IL23R: variants seen among roughly 807,000 people sequenced by gnomAD.
IL23R encodes interleukin-23 receptor.
In IL23R, 34 loss-of-function variants were observed where a neutral mutation model predicts 56.9. The ratio of observed to expected loss-of-function variants is 0.60; its 90% CI spans 0.45 to 0.80. The LOEUF is 0.80. Ranked by LOEUF, IL23R falls within the 30% of genes least tolerant of loss-of-function variation. The pLI, the probability that IL23R is intolerant of heterozygous loss-of-function variation, is 0.00. For missense variants in IL23R, 635 were observed against 730.0 expected (o/e 0.87, Z 1.50); for synonymous variants, 230 against 249.2 (o/e 0.92, Z 0.73).
intron 6 of IL23R, among the ~76,000 whole-genome samples, chr1:67,210,912 C>A (rs1649426475): frequency 6.6e-6 from 1 of 152,136 alleles, no homozygotes; most frequent in South Asian, 2.1e-4. Flanking sequence ...GATTCCAAAT[C>A]CTTTTGCTGT....
intron 10 of IL23R, among the ~76,000 whole-genome samples, chr1:67,256,776 A>G (rs1486120314): frequency 6.6e-6 from 1 of 152,234 alleles, no homozygotes; most frequent in Non-Finnish European, 1.5e-5. Flanking sequence ...AGGTGTTTGT[A>G]AAACAAATAG....
intron 9 of IL23R, among the ~76,000 whole-genome samples, chr1:67,255,381 T>C (rs1005612902): frequency 6.6e-6 from 1 of 152,190 alleles, no homozygotes; most frequent in Non-Finnish European, 1.5e-5. Flanking sequence ...ATTTCCCACT[T>C]AATTTTCATT....
At chr1:67,177,026 A>C (rs193153172) in intron 3 of IL23R, among the ~76,000 whole-genome samples, 1 of 152,268 alleles carries the variant, frequency 6.6e-6, no homozygotes, top group East Asian at 1.9e-4. Flanking sequence ...ATTGTTGGAC[A>C]TTTGGGTTGG....
intron 6 of IL23R, among the ~76,000 whole-genome samples, chr1:67,217,893 C>G (rs780186909): frequency 2.0e-5 from 3 of 151,322 alleles, no homozygotes; most frequent in Non-Finnish European, 4.4e-5. Flanking sequence ...AGGTTGATAC[C>G]TCATTCTTTT....
Position 67,200,891 on chromosome 1 carries a change from G to T in IL23R, c.646G>T (p.Asp216Tyr). ...ESKQLQIHLD[D>Y]IVIPSAAVIS... Reference sequence around the variant, plus strand: ...AAAACAACTGCAAATTCACCTGGATGATATAGGTAAAGAATAAGAAATTCT... The same window carrying T: ...AAAACAACTGCAAATTCACCTGGATTATATAGGTAAAGAATAAGAAATTCT... The change falls in exon 5 of 11, where the codon GAT (aspartate) becomes TAT (tyrosine). Residue 216 changes from aspartate (D) to tyrosine (Y), a missense_variant. By Grantham distance (160) the Asp-to-Tyr change is radical. Transcript: ENST00000347310. 6.2e-7 allele frequency: 1 copy of T among 1,614,050 alleles called. No individual in the cohort carries two copies. Among genetic ancestry groups the T allele is most frequent in the Non-Finnish European group, 8.5e-7 (1 of 1,179,958 alleles).
intron 5 of IL23R, 28 bp from the exon 6 acceptor site, chr1:67,206,882 G>GTAT: frequency 7.8e-7 from 1 of 1,286,454 alleles, no homozygotes; most frequent in Non-Finnish European, 1.0e-6. Context: ...AAACAGCCAG[G>GTAT]TCTTTTTTTT....
intron 3 of IL23R, among the ~76,000 whole-genome samples, chr1:67,173,989 A>G (rs1157184006): frequency 6.6e-6 from 1 of 152,190 alleles, no homozygotes; most frequent in Non-Finnish European, 1.5e-5. Flanking sequence ...AAGGCCAAGT[A>G]CTTAAACTGT....
intron 1 of IL23R, among the ~76,000 whole-genome samples, chr1:67,150,783 A>G (rs1447002437): frequency 1.3e-5 from 2 of 152,066 alleles, no homozygotes; most frequent in Non-Finnish European, 2.9e-5. Context: ...TCATCTCCAT[A>G]TAGATGGAAT....
intron 6 of IL23R, among the ~76,000 whole-genome samples, chr1:67,218,225 C>A (rs1024677942): frequency 6.6e-6 from 1 of 151,662 alleles, no homozygotes; most frequent in Non-Finnish European, 1.5e-5. Context: ...CATTGGATTT[C>A]TCAGTTCAAC....
rs753050122 is a variant in IL23R, at chr1:67,169,558, A to G, written c.287A>G (p.His96Arg). The stretch of plus-strand genomic sequence containing the variant: ...TGGTATAAAAACTTTCTGGAACCAC[A>G]TGCTTCTATGTACTGCACTGCTGAA... Reference protein sequence around the residue: ...RLWYKNFLEPHASMYCTAECP... With the variant: ...RLWYKNFLEPRASMYCTAECP... Residue 96 changes from histidine to arginine, a missense_variant, in exon 3 of 11, where the codon CAT (histidine) becomes CGT (arginine). His to Arg is a conservative substitution (Grantham distance 29). Transcript: ENST00000347310. 2 of 1,613,956 alleles carry G rather than the reference A, an allele frequency of 1.2e-6. No individual in the cohort carries two copies. Among genetic ancestry groups the G allele is most frequent in the Non-Finnish European group, 1.7e-6 (2 of 1,179,826 alleles).
chr1:67,246,806 G>A (rs1276091173), intron 9 of IL23R, among the ~76,000 whole-genome samples: 4 of 152,196 alleles, frequency 2.6e-5, no homozygotes, highest in African/African-American at 9.7e-5. Flanking sequence ...GGGGTGGACA[G>A]TTCTGTAGAT....
At chr1:67,250,404 A>G (rs148021015) in intron 9 of IL23R, among the ~76,000 whole-genome samples, 3 of 152,276 alleles carry the variant, frequency 2.0e-5, no homozygotes, top group African/African-American at 7.2e-5. Flanking sequence ...TATTTTCTTT[A>G]TAATCTTTTT....
At chr1:67,233,261 G>C (rs1651227550) in intron 7 of IL23R, among the ~76,000 whole-genome samples, 1 of 151,494 alleles carries the variant, frequency 6.6e-6, no homozygotes. Context: ...AGCTACTTGG[G>C]AGGTTGAGAC....
chr1:67,221,896 G>A (rs945398716), intron 7 of IL23R, among the ~76,000 whole-genome samples: 1 of 152,072 alleles, frequency 6.6e-6, no homozygotes, highest in African/African-American at 2.4e-5. Flanking sequence ...TTGGCCAGGT[G>A]CAGTGGCTCA....
intron 6 of IL23R, among the ~76,000 whole-genome samples, chr1:67,214,119 T>C (rs1433966363): frequency 6.6e-6 from 1 of 152,204 alleles, no homozygotes; most frequent in Non-Finnish European, 1.5e-5. Context: ...TGTAATGCAC[T>C]ATGATCCCAC....
chr1:67,193,525 C>T (rs572328415), intron 4 of IL23R, among the ~76,000 whole-genome samples: 1 of 151,988 alleles, frequency 6.6e-6, no homozygotes, highest in South Asian at 2.1e-4. Flanking sequence ...TTTTGAAAAT[C>T]TATAAATTAC....
intron 6 of IL23R, among the ~76,000 whole-genome samples, chr1:67,212,583 C>T (rs1359342735): frequency 2.0e-5 from 3 of 149,034 alleles, no homozygotes; most frequent in Non-Finnish European, 4.4e-5. Flanking sequence ...TCTTGCTCTA[C>T]TGCCCAGGCT....
chr1:67,245,868 C>G (rs1220955945), intron 9 of IL23R, among the ~76,000 whole-genome samples: 6 of 152,046 alleles, frequency 3.9e-5, no homozygotes, highest in Non-Finnish European at 2.9e-5. Flanking sequence ...CTGTTTGGAA[C>G]AGTTTCAGAA....
chr1:67,166,227 T>C (rs11465757), upstream of IL23R, among the ~76,000 whole-genome samples: 2,010 of 152,338 alleles, frequency 0.013, 41 homozygotes, highest in African/African-American at 0.046. Context: ...CATGTATAAG[T>C]GTTCTGCCTC....
Sources: gnomAD v4.1 joint callset for allele counts (sites outside exome capture counted in the v4.1 genomes callset) on GRCh38, gnomAD v4.1.1 for gene constraint, MANE v1.5 for transcripts, NCBI Gene and HGNC (gene_info 2026-07-23, HGNC 2026-07-21) for gene names.